Variants in CDH4 observed in about 807,000 individuals in gnomAD.
The protein encoded by CDH4 is cadherin 4, also known as cadherin-4.
In CDH4, 33 loss-of-function variants were observed where a neutral mutation model predicts 86.0. That is an observed-to-expected ratio of 0.38 (90% CI 0.29 to 0.51). CDH4 has a LOEUF of 0.51. Among genes scored for constraint, CDH4 ranks in the 20% least tolerant of loss-of-function variants. CDH4 has a pLI of 0.86. For missense variants in CDH4, 1,114 were observed against 1,307.4 expected (o/e 0.85, Z 2.28); for synonymous variants, 555 against 549.4 (o/e 1.01, Z -0.14).
At chr20:61,277,750 T>C (rs560052693) in intron 2 of CDH4, among the ~76,000 whole-genome samples, 7 of 152,372 alleles carry the variant, frequency 4.6e-5, no homozygotes, top group East Asian at 1.9e-4. Context: ...GTGGGCCATG[T>C]TGGCATCAGG....
chr20:61,581,257 T>A (rs1295249077), intron 2 of CDH4, among the ~76,000 whole-genome samples: 2 of 152,218 alleles, frequency 1.3e-5, no homozygotes, highest in Non-Finnish European at 2.9e-5. Flanking sequence ...TTCCTGTGGC[T>A]GCTGTTACAG....
At chr20:61,580,100 C>G (rs2086414013) in intron 2 of CDH4, among the ~76,000 whole-genome samples, 1 of 150,436 alleles carries the variant, frequency 6.6e-6, no homozygotes, top group Admixed American at 6.6e-5. Flanking sequence ...AAGGCCTGGA[C>G]TTACGGACTC....
At chr20:61,932,929 GGCACACATGC>G in intron 13 of CDH4, 46 bp from the exon 14 acceptor site, 6 of 1,587,048 alleles carry the variant, frequency 3.8e-6, no homozygotes, top group African/African-American at 1.3e-5. Context: ...CAAACACAGA[GGCACACATGC>G]GCACACCCGC....
intron 2 of CDH4, among the ~76,000 whole-genome samples, chr20:61,640,178 G>A (rs995911375): frequency 2.0e-5 from 3 of 152,174 alleles, no homozygotes; most frequent in African/African-American, 4.8e-5. Context: ...GCTCAAAGTC[G>A]TTGACTCTTC....
At chr20:61,780,519 C>T (rs1024133765) in intron 4 of CDH4, among the ~76,000 whole-genome samples, 1 of 152,226 alleles carries the variant, frequency 6.6e-6, no homozygotes, top group African/African-American at 2.4e-5. Context: ...ATGACGGACA[C>T]GGCCCTAGTG....
At position 61,644,685 on chromosome 20, in the gene CDH4, TCAA is replaced by T. The variant is rs781124835; in HGVS notation, c.170-98872_170-98870del. On this transcript the variant is annotated intron_variant, in intron 2 of 15. Coordinates refer to ENST00000614565, the MANE Select transcript of CDH4 (RefSeq NM_001794.5). ...CAAAGCCAGGGCCAGAGGGGCTTCT[TCAA>T]CAACATCAACAATCCGTCTATGTGG... 2.5e-4 allele frequency among the ~76,000 whole-genome samples: 38 copies of T among 152,312 alleles called. No homozygotes were observed. The Middle Eastern group carries it at 0.01, about 41-fold the overall frequency.
intron 2 of CDH4, among the ~76,000 whole-genome samples, chr20:61,337,530 GGA>G (rs879748467): frequency 1 from 152,071 of 152,074 alleles, 76,034 homozygotes; most frequent in Middle Eastern, 1. Flanking sequence ...GGAAGATGAG[GGA>G]AAGCATGGTC....
intron 7 of CDH4, among the ~76,000 whole-genome samples, chr20:61,888,812 C>T (rs1200364101): frequency 2.6e-5 from 4 of 152,194 alleles, no homozygotes; most frequent in Non-Finnish European, 5.9e-5. Context: ...GGACCCTGAC[C>T]GGTCCCCTCG....
At chr20:61,526,336 C>A (rs1343885591) in intron 2 of CDH4, among the ~76,000 whole-genome samples, 1 of 152,126 alleles carries the variant, frequency 6.6e-6, no homozygotes, top group South Asian at 2.1e-4. Context: ...TTCTAAAACA[C>A]GAGTCCCCCA....
At chr20:61,294,099 C>A (rs79624270) in intron 2 of CDH4, among the ~76,000 whole-genome samples, 18,838 of 152,106 alleles carry the variant, frequency 0.12, 1,198 homozygotes, top group South Asian at 0.14. Context: ...CTCTGACCTT[C>A]ACAGAGAACC....
intron 3 of CDH4, among the ~76,000 whole-genome samples, chr20:61,744,803 TC>T (rs1025264957): frequency 1.3e-5 from 2 of 152,148 alleles, no homozygotes; most frequent in Non-Finnish European, 2.9e-5. Context: ...CCTGCGTTCA[TC>T]CCCAGTTCTA....
At chr20:61,918,053 C>G (rs925597386) in intron 9 of CDH4, among the ~76,000 whole-genome samples, 1 of 152,248 alleles carries the variant, frequency 6.6e-6, no homozygotes, top group Admixed American at 6.5e-5. Context: ...TGAGTGGCCC[C>G]GTCCCAGCCA....
intron 2 of CDH4, among the ~76,000 whole-genome samples, chr20:61,613,596 GAAAA>G (rs5842359): frequency 7.5e-6 from 1 of 134,196 alleles, no homozygotes; most frequent in South Asian, 2.4e-4. Context: ...GGCTTCAAAA[GAAAA>G]AAAAAAAAAA....
chr20:61,282,315 C>T (rs992123946), intron 2 of CDH4, among the ~76,000 whole-genome samples: 4 of 152,258 alleles, frequency 2.6e-5, no homozygotes, highest in African/African-American at 4.8e-5. Flanking sequence ...GCCAAGATTG[C>T]GCCACTGCAC....
chr20:61,432,921 C>T (rs2085256091), intron 2 of CDH4, among the ~76,000 whole-genome samples: 2 of 149,772 alleles, frequency 1.3e-5, no homozygotes, highest in African/African-American at 4.9e-5. Flanking sequence ...TCACTGCAGC[C>T]TCTGCCTCCC....
chr20:61,799,244 C>A (rs1023880638), intron 4 of CDH4, among the ~76,000 whole-genome samples: 1 of 152,184 alleles, frequency 6.6e-6, no homozygotes, highest in African/African-American at 2.4e-5. Context: ...TTGGGAATTG[C>A]AAAGAGGTAG....
At chr20:61,590,432 G>A (rs531047433) in intron 2 of CDH4, among the ~76,000 whole-genome samples, 1 of 152,184 alleles carries the variant, frequency 6.6e-6, no homozygotes, top group African/African-American at 2.4e-5. Flanking sequence ...ACTCACACCC[G>A]AAGGAGGGCA....
chr20:61,736,808 G>A lies in CDH4; in HGVS notation c.170-6755G>A, dbSNP rs1328143698. Among the ~76,000 whole-genome samples, 3 of 152,144 alleles carry A rather than the reference G, an allele frequency of 2.0e-5. No individual in the cohort carries two copies. In the East Asian group the frequency reaches 5.8e-4, roughly 29 times the overall value. On this transcript the variant is annotated intron_variant, in intron 2 of 15. Coordinates refer to ENST00000614565, the MANE Select transcript of CDH4 (RefSeq NM_001794.5). Reference sequence around the variant, plus strand: ...GCCATCATGAGGTCACCCGGGGCGGGGGCCACAGAAACTCCATCCACAACA... The same window carrying A: ...GCCATCATGAGGTCACCCGGGGCGGAGGCCACAGAAACTCCATCCACAACA...
At chr20:61,769,192 A>G (rs968593829) in intron 3 of CDH4, among the ~76,000 whole-genome samples, 5 of 152,154 alleles carry the variant, frequency 3.3e-5, no homozygotes, top group Admixed American at 2.0e-4. Context: ...TGGATCCCCA[A>G]TTGCCTGTGG....
Sources: gnomAD v4.1 joint callset for allele counts (sites outside exome capture counted in the v4.1 genomes callset) on GRCh38, gnomAD v4.1.1 for gene constraint, MANE v1.5 for transcripts, NCBI Gene and HGNC (gene_info 2026-07-23, HGNC 2026-07-21) for gene names.